The following KIF1A variants were observed in gnomAD, a reference collection of about 807,000 sequenced individuals.
KIF1A encodes the protein kinesin family member 1A, also known as kinesin-like protein KIF1A.
Under a neutral mutation model 227.3 loss-of-function variants are expected in KIF1A, and 46 were observed. The ratio of observed to expected loss-of-function variants is 0.20; its 90% CI spans 0.16 to 0.26. KIF1A has a LOEUF of 0.26. Ranked by LOEUF, KIF1A falls within the 10% of genes least tolerant of loss-of-function variation. KIF1A has a pLI of 1.00. For missense variants in KIF1A, 1,683 were observed against 2,485.9 expected (o/e 0.68, Z 6.87); for synonymous variants, 1,022 against 1,012.8 (o/e 1.01, Z -0.17).
At chr2:240,798,852 G>A (rs528423551) in intron 1 of KIF1A, among the ~76,000 whole-genome samples, 51 of 152,342 alleles carry the variant, frequency 3.3e-4, no homozygotes, top group African/African-American at 1.1e-3. Flanking sequence ...AGCCTGACAC[G>A]AGAGGTTTTC....
intron 38 of KIF1A, among the ~76,000 whole-genome samples, chr2:240,735,822 C>G (rs139386584): frequency 6.6e-6 from 1 of 152,162 alleles, no homozygotes; most frequent in Non-Finnish European, 1.5e-5. Context: ...CTCTCCCAGA[C>G]GTGCTCCCCC....
chr2:240,745,196 G>A (rs1367112501), intron 32 of KIF1A, among the ~76,000 whole-genome samples: 2 of 152,210 alleles, frequency 1.3e-5, no homozygotes, highest in Middle Eastern at 3.4e-3. Context: ...TGCTCACTAT[G>A]AGCAGCTCCC....
chr2:240,762,945 T>C, intron 22 of KIF1A, 74 bp downstream of exon 22: 4 of 979,018 alleles, frequency 4.1e-6, no homozygotes, highest in Non-Finnish European at 5.1e-6. Context: ...CAGGGAGGAG[T>C]GGGGGCGTGG....
Position 240,722,437 on chromosome 2 carries a change from G to A in KIF1A, c.4665+19C>T, listed in dbSNP as rs1439948853. The A allele has an allele frequency of 5.2e-6, 8 of 1,544,348 alleles. No individual in the cohort carries two copies. The highest frequency in any genetic ancestry group is 7.0e-6 in the Non-Finnish European group (8 of 1,146,048). ...GAGGGCCTGGGGCTACGGCTGTACT[G>A]CCCACCAGCTGGACCCACCTTGACG... On this transcript the variant is annotated intron_variant, in intron 43 of 48. Coordinates refer to ENST00000498729, the MANE Select transcript of KIF1A (RefSeq NM_001244008.2).
intron 1 of KIF1A, among the ~76,000 whole-genome samples, chr2:240,812,014 T>G (rs2057904072): frequency 6.6e-6 from 1 of 152,036 alleles, no homozygotes; most frequent in Non-Finnish European, 1.5e-5. Flanking sequence ...AGGGAGACCA[T>G]GAGCCCTGAG....
At chr2:240,794,560 A>G (rs1165688570) in intron 2 of KIF1A, among the ~76,000 whole-genome samples, 1 of 152,264 alleles carries the variant, frequency 6.6e-6, no homozygotes, top group Non-Finnish European at 1.5e-5. Flanking sequence ...CTGCCGGGAT[A>G]GACTTAACAT....
chr2:240,777,332 C>A (rs2052886594), intron 10 of KIF1A, among the ~76,000 whole-genome samples: 1 of 152,214 alleles, frequency 6.6e-6, no homozygotes, highest in Non-Finnish European at 1.5e-5. Context: ...GCGTGAGCCA[C>A]CGCGCCCGGC....
chr2:240,745,941 T>G (rs769901484), intron 30 of KIF1A, 32 bp from the exon 31 acceptor site: 1 of 1,593,088 alleles, frequency 6.3e-7, no homozygotes, highest in Non-Finnish European at 8.6e-7. Context: ...GTCATGGACC[T>G]CCAGGCCATA....
chr2:240,742,851 T>G, intron 34 of KIF1A, 78 bp downstream of exon 34: 7 of 1,313,330 alleles, frequency 5.3e-6, no homozygotes, highest in Non-Finnish European at 6.5e-6. Flanking sequence ...CAGCATTCAC[T>G]GCGGGGGCCC....
intron 1 of KIF1A, among the ~76,000 whole-genome samples, chr2:240,801,461 G>A (rs2056954643): frequency 1.3e-5 from 2 of 152,156 alleles, no homozygotes; most frequent in African/African-American, 4.8e-5. Flanking sequence ...AAAAGAATAG[G>A]AAATATAGAC....
At chr2:240,731,225 A>G (rs1453566477) in intron 38 of KIF1A, among the ~76,000 whole-genome samples, 1 of 152,032 alleles carries the variant, frequency 6.6e-6, no homozygotes, top group Non-Finnish European at 1.5e-5. Flanking sequence ...CCCACCAAGG[A>G]CTTAGACATA....
In KIF1A at chr2:240,719,907, G is replaced by T. The variant is rs202072706; in HGVS notation, c.4888C>A (p.Arg1630=). The change falls in exon 46 of 49, where the codon CGG becomes AGG. Residue 1630 remains arginine (R), a synonymous_variant. Transcript: ENST00000498729. ...AGCTCGGGCTCTGGGCTGGCTGGCC[G>T]GGAGCAGGGCTGCGGGGTCCTGGGA... The part of the protein sequence containing the change: ...TDLRTPQPCS[R]PASPEPELLP... 8.1e-6 allele frequency: 13 copies of T among 1,610,648 alleles called. No individual in the cohort carries two copies. The Admixed American group carries it at 1.7e-4, about 21-fold the overall frequency.
chr2:240,723,881 C>T, intron 41 of KIF1A, 94 bp downstream of exon 41: 1 of 1,062,200 alleles, frequency 9.4e-7, no homozygotes, highest in South Asian at 1.3e-5. Flanking sequence ...GTGAGGGATC[C>T]CCCTGCAAAT....
chr2:240,769,815 C>A, intron 15 of KIF1A, 109 bp from the exon 16 acceptor site: 1 of 836,812 alleles, frequency 1.2e-6, no homozygotes, highest in East Asian at 2.7e-5. Flanking sequence ...GCGCCATATT[C>A]CTGGGCCCGA....
chr2:240,798,046 A>G (rs2056595778), intron 1 of KIF1A: 3 of 326,154 alleles, frequency 9.2e-6, no homozygotes, highest in Non-Finnish European at 1.7e-5. Flanking sequence ...GAAACCCAAC[A>G]AAAGAAACAG....
Position 240,740,880 on chromosome 2 carries a change from C to T in KIF1A, c.3749+389G>A, listed in dbSNP as rs1375647711. Among the ~76,000 whole-genome samples the T allele has an allele frequency of 1.3e-5, 2 of 152,124 alleles. No individual in the cohort carries two copies. The highest frequency in any genetic ancestry group is 2.4e-5 in the African/African-American group (1 of 41,422). ...CCCCCACTGGCCTCCACCCTGGGGC[C>T]CTGGAACCTGCCTCCCCAGGGCCTC... is the stretch of plus-strand genomic sequence containing the variant. On this transcript the variant is annotated intron_variant, in intron 35 of 48. Coordinates refer to ENST00000498729, the MANE Select transcript of KIF1A (RefSeq NM_001244008.2). This position sits in a 1 kb window ranked among gnomAD's most constrained non-coding sequence, Gnocchi z 6.1.
chr2:240,737,223 GGGGGGC>G, intron 37 of KIF1A, 55 bp from the exon 38 acceptor site: 1 of 1,438,822 alleles, frequency 7.0e-7, no homozygotes, highest in East Asian at 2.3e-5. Flanking sequence ...GTGGGACCCT[GGGGGGC>G]TGCCTCAGGT....
chr2:240,762,968 C>A, intron 22 of KIF1A, 51 bp downstream of exon 22: 1 of 1,410,014 alleles, frequency 7.1e-7, no homozygotes, highest in Non-Finnish European at 9.4e-7. Context: ...GGACAGGGGT[C>A]CCCTGGTGTG....
At chr2:240,719,240 G>T in intron 46 of KIF1A, 42 bp from the exon 47 acceptor site, 1 of 1,571,192 alleles carries the variant, frequency 6.4e-7, no homozygotes, top group Non-Finnish European at 8.7e-7. Context: ...CTCGGTGGGG[G>T]CAGCGACTGA....
Sources: gnomAD v4.1 joint callset for allele counts (sites outside exome capture counted in the v4.1 genomes callset) on GRCh38, gnomAD v4.1.1 for gene constraint, Gnocchi (gnomAD v3.1) non-coding constraint, MANE v1.5 for transcripts, NCBI Gene and HGNC (gene_info 2026-07-23, HGNC 2026-07-21) for gene names.